CEP350: variants seen among roughly 807,000 people sequenced by gnomAD.
The protein encoded by CEP350 is centrosome-associated protein 350.
CEP350 carries 126 observed loss-of-function variants against 331.8 expected under a neutral mutation model. That is an observed-to-expected ratio of 0.38 (90% CI 0.33 to 0.44). The LOEUF (loss-of-function observed/expected upper bound fraction) is 0.44. Among genes scored for constraint, CEP350 ranks in the 20% least tolerant of loss-of-function variants. The pLI is 1.00. For synonymous variants in CEP350, 1,200 were observed against 1,259.5 expected (o/e 0.95, Z 1.00); for missense variants, 3,406 against 3,634.6 (o/e 0.94, Z 1.62).
At position 180,078,363 on chromosome 1, in the gene CEP350, G is replaced by A; in HGVS notation, c.5768-100G>A. On this transcript the variant is annotated intron_variant, in intron 28 of 37. Transcript: ENST00000367607. Reference sequence around the variant, plus strand: ...TCTCCTGTTTGTGGGAGACAAAAATGCAGTAAGTAATAATATGCTAAAAAC... The same window carrying A: ...TCTCCTGTTTGTGGGAGACAAAAATACAGTAAGTAATAATATGCTAAAAAC... 6.2e-6 allele frequency: 5 copies of A among 806,286 alleles called. No homozygotes were observed. The Middle Eastern group carries it at 1.1e-3, about 178-fold the overall frequency. 49.9% of individuals were successfully genotyped at this position (806,286 alleles called of 1,614,324 possible).
chr1:180,015,820 C>T, intron 10 of CEP350, 29 bp from the exon 11 acceptor site: 2 of 1,601,524 alleles, frequency 1.2e-6, no homozygotes, highest in Non-Finnish European at 1.7e-6. Context: ...TGACAGAACT[C>T]ATATAAATTT....
chr1:179,987,526 AAT>A (rs929974504), intron 3 of CEP350, among the ~76,000 whole-genome samples: 9 of 148,136 alleles, frequency 6.1e-5, no homozygotes, highest in Non-Finnish European at 1.2e-4. Flanking sequence ...TATCATATAT[AAT>A]ATATAATATA....
chr1:180,006,459 A>G lies in CEP350; in HGVS notation c.1138A>G (p.Ile380Val), dbSNP rs919293160. ...TAAATATTTCTGCTTTTCAGATGAT[A>G]TTTCTATAAAGGAGAAACCTGCTGA... ...RDLALHFADD[I>V]SIKEKPAEKS... Residue 380 changes from isoleucine to valine, a missense_variant, in exon 8 of 38, where the codon ATT becomes GTT. Around this residue, in one of 5 missense-constraint regions of CEP350, gnomAD observed 1,857 missense variants for 1,909.2 expected, o/e 0.97. Coordinates refer to ENST00000367607, the MANE Select transcript of CEP350 (RefSeq NM_014810.5). 30 of 1,448,224 alleles carry G rather than the reference A, an allele frequency of 2.1e-5. No individual in the cohort carries two copies. The highest frequency in any genetic ancestry group is 2.4e-5 in the Non-Finnish European group (25 of 1,052,864). 89.7% of individuals were successfully genotyped at this position (1,448,224 alleles called of 1,614,324 possible).
intron 27 of CEP350, among the ~76,000 whole-genome samples, chr1:180,071,758 G>A (rs1438841879): frequency 6.7e-6 from 1 of 149,020 alleles, no homozygotes; most frequent in Non-Finnish European, 1.5e-5. Context: ...CTCCAGCCTG[G>A]GCAACAGAGC....
At chr1:179,955,410 C>CCTTTGCTGCCT (rs1650098735) in intron 1 of CEP350, among the ~76,000 whole-genome samples, 1 of 152,216 alleles carries the variant, frequency 6.6e-6, no homozygotes, top group South Asian at 2.1e-4. Flanking sequence ...CCTCCTCTAG[C>CCTTTGCTGCCT]CTGCAGAGGT....
chr1:179,977,612 C>T (rs537496117), intron 1 of CEP350, among the ~76,000 whole-genome samples: 1 of 152,060 alleles, frequency 6.6e-6, no homozygotes, highest in Non-Finnish European at 1.5e-5. Flanking sequence ...TGAATTTAGA[C>T]CCTGGCAGAC....
At chr1:179,984,271 C>T (rs1652491119) in intron 1 of CEP350, among the ~76,000 whole-genome samples, 1 of 152,200 alleles carries the variant, frequency 6.6e-6, no homozygotes. Flanking sequence ...AAACACCAAG[C>T]ATTTGTGATC....
intron 11 of CEP350, 52 bp from the exon 12 acceptor site, chr1:180,019,896 CT>C (rs1239509456): frequency 1.6e-5 from 23 of 1,479,314 alleles, no homozygotes; most frequent in Non-Finnish European, 2.1e-5. Context: ...AAAAAAAAAA[CT>C]TTTTTAAAAT....
At chr1:180,035,272 G>A (rs1656276009) in intron 16 of CEP350, among the ~76,000 whole-genome samples, 1 of 152,200 alleles carries the variant, frequency 6.6e-6, no homozygotes, top group African/African-American at 2.4e-5. Flanking sequence ...AAAGTGCAAG[G>A]TGAAGCAACA....
At chr1:180,040,990 GTTGACTATTATT>G in intron 17 of CEP350, 136 bp from the exon 18 acceptor site, 1 of 594,660 alleles carries the variant, frequency 1.7e-6, no homozygotes, top group East Asian at 3.2e-5. Context: ...GTAAGTGGCT[GTTGACTATTATT>G]TTTACTATCT....
At chr1:180,035,357 A>C (rs1454300071) in intron 16 of CEP350, among the ~76,000 whole-genome samples, 1 of 152,244 alleles carries the variant, frequency 6.6e-6, no homozygotes, top group Non-Finnish European at 1.5e-5. Context: ...CAGATTTCCA[A>C]CGTAGATGAA....
At chr1:179,966,384 T>A (rs1486430068) in intron 1 of CEP350, among the ~76,000 whole-genome samples, 1 of 152,222 alleles carries the variant, frequency 6.6e-6, no homozygotes, top group Admixed American at 6.5e-5. Flanking sequence ...TTACCTTTAG[T>A]AAGATTTCAT....
At chr1:180,011,117 AT>A (rs931490909) in intron 8 of CEP350, among the ~76,000 whole-genome samples, 14 of 151,816 alleles carry the variant, frequency 9.2e-5, no homozygotes, top group African/African-American at 3.4e-4. Flanking sequence ...TTATTGAAAC[AT>A]TTTTTTGAAT....
Position 180,020,518 on chromosome 1 carries a change from A to G in CEP350, c.2744A>G (p.Asn915Ser), listed in dbSNP as rs1655257496. Reference protein sequence around the residue: ...TFDDDLPGVGNLSEFKKLPEM... With the variant: ...TFDDDLPGVGSLSEFKKLPEM... ...GATGATGATCTTCCTGGTGTAGGCAATCTTAGTGAATTTAAAAAGCTTCCT... is the reference window on the plus strand; with the variant it reads ...GATGATGATCTTCCTGGTGTAGGCAGTCTTAGTGAATTTAAAAAGCTTCCT... Residue 915 changes from asparagine to serine, a missense_variant, in exon 12 of 38, where the codon AAT becomes AGT. Transcript: ENST00000367607. 6.2e-7 allele frequency: 1 copy of G among 1,613,550 alleles called. No homozygotes were observed. The highest frequency in any genetic ancestry group is 8.5e-7 in the Non-Finnish European group (1 of 1,179,866).
At chr1:179,972,929 A>G (rs1224987855) in intron 1 of CEP350, among the ~76,000 whole-genome samples, 1 of 147,486 alleles carries the variant, frequency 6.8e-6, no homozygotes, top group African/African-American at 2.5e-5. Flanking sequence ...GTGCAGTGGC[A>G]TGATCTCGGC....
intron 1 of CEP350, among the ~76,000 whole-genome samples, chr1:179,972,744 A>G (rs1651547046): frequency 6.6e-6 from 1 of 152,132 alleles, no homozygotes. Flanking sequence ...GATTGAAAAT[A>G]CCCATTAGAT....
intron 6 of CEP350, 121 bp downstream of exon 6, chr1:179,997,296 C>T (rs1413113811): frequency 2.6e-6 from 3 of 1,162,660 alleles, no homozygotes; most frequent in Non-Finnish European, 3.6e-6. Context: ...TGCATAAGCA[C>T]TTAGGGAGGC....
chr1:180,051,417 G>T (rs190159412), intron 22 of CEP350, among the ~76,000 whole-genome samples: 1 of 152,174 alleles, frequency 6.6e-6, no homozygotes, highest in Admixed American at 6.5e-5. Flanking sequence ...TAAAGAGTTG[G>T]AAAACAATTG....
intron 9 of CEP350, 86 bp downstream of exon 9, chr1:180,012,161 G>A (rs1654701164): frequency 8.3e-7 from 1 of 1,209,950 alleles, no homozygotes; most frequent in South Asian, 1.5e-5. Context: ...TCTTAAGAAT[G>A]TGTTAGGACT....
Sources: gnomAD v4.1 joint callset for allele counts (sites outside exome capture counted in the v4.1 genomes callset) on GRCh38, gnomAD v4.1.1 for gene constraint, gnomAD v4.1.1 regional missense constraint, MANE v1.5 for transcripts, NCBI Gene and HGNC (gene_info 2026-07-23, HGNC 2026-07-21) for gene names.